BCCIP: variants seen among roughly 807,000 people sequenced by gnomAD.
The protein encoded by BCCIP is BRCA2 and CDKN1A-interacting protein.
BCCIP carries 23 observed loss-of-function variants against 32.8 expected under a neutral mutation model. That is an observed-to-expected ratio of 0.70 (90% CI 0.51 to 0.99). The LOEUF (loss-of-function observed/expected upper bound fraction) is 0.99. Ranked by LOEUF, BCCIP falls within the 50% of genes least tolerant of loss-of-function variation. The pLI is 0.00. For synonymous variants in BCCIP, 144 were observed against 137.6 expected, an observed-to-expected ratio of 1.05 and a Z score of -0.33; for missense variants, 378 against 379.8, an observed-to-expected ratio of 1.00 and a Z score of 0.04.
At chr10:125,837,351 T>C (rs1191670445), downstream of BCCIP, among the ~76,000 whole-genome samples, 2 of 152,260 alleles carry the variant, frequency 1.3e-5, no homozygotes, top group African/African-American at 2.4e-5. Flanking sequence ...GACTCTGTAC[T>C]GGCCTCTCAA....
chr10:125,823,783 G>A, intron 1 of BCCIP, 61 bp downstream of exon 1: 2 of 1,591,614 alleles, frequency 1.3e-6, no homozygotes, highest in Admixed American at 3.5e-5. Flanking sequence ...GGCAAGCCCA[G>A]GCTGTGTAAA....
intron 3 of BCCIP, among the ~76,000 whole-genome samples, chr10:125,828,967 G>T (rs1020944218): frequency 6.6e-6 from 1 of 152,180 alleles, no homozygotes; most frequent in Non-Finnish European, 1.5e-5. Flanking sequence ...GTCACACATT[G>T]GTTTGCTTCC....
intron 7 of BCCIP, among the ~76,000 whole-genome samples, chr10:125,850,581 C>G (rs958902784): frequency 3.9e-5 from 6 of 152,016 alleles, no homozygotes; most frequent in African/African-American, 1.4e-4. Flanking sequence ...TCTTGAACTC[C>G]TGACCTGAGG....
In BCCIP at chr10:125,823,626, G is replaced by A; in HGVS notation, c.69G>A (p.Gln23=). ...GVPQPPDPPV[Q]RDEEEEKEVE... ...CGCAGCCGCCGGATCCCCCAGTCCA[G>A]CGCGACGAGGAAGAGGAAAAAGAAG... Residue 23 remains glutamine (Q), a synonymous_variant, in exon 1 of 7, where the codon CAG becomes CAA. Transcript: ENST00000278100. 6.2e-7 allele frequency: 1 copy of A among 1,614,168 alleles called. No homozygotes were observed. Among genetic ancestry groups the A allele is most frequent in the Non-Finnish European group, 8.5e-7 (1 of 1,180,010 alleles).
At chr10:125,835,424 A>G (rs1589698571) in intron 6 of BCCIP, among the ~76,000 whole-genome samples, 1 of 152,056 alleles carries the variant, frequency 6.6e-6, no homozygotes, top group East Asian at 1.9e-4. Context: ...CTAAAAATAC[A>G]AAAAATTAGC....
chr10:125,853,291 C>T, exon 8 of BCCIP: 1 of 1,096,038 alleles, frequency 9.1e-7, no homozygotes, highest in Non-Finnish European at 1.3e-6. Context: ...AGGGATAAAA[C>T]ATCTCGGCAC....
chr10:125,826,794 G>A (rs905785211), intron 2 of BCCIP, 129 bp downstream of exon 2: 19 of 1,430,252 alleles, frequency 1.3e-5, no homozygotes, highest in East Asian at 1.3e-4. Context: ...GAGCCCAGGA[G>A]TTTGAGACCA....
chr10:125,840,836 C>T (rs1854856352), downstream of BCCIP: 3 of 1,561,658 alleles, frequency 1.9e-6, no homozygotes, highest in East Asian at 2.3e-5. Flanking sequence ...AGTTTCTGAG[C>T]ATTCACTTAC....
Position 125,827,557 on chromosome 10 carries a change from G to C in BCCIP, c.241-1G>C, listed in dbSNP as rs1854427408. 4.4e-6 allele frequency: 7 copies of C among 1,600,542 alleles called. No individual in the cohort carries two copies. Among genetic ancestry groups the C allele is most frequent in the Non-Finnish European group, 6.0e-6 (7 of 1,171,052 alleles). Reference sequence around the variant, plus strand: ...TTAAAATAATTTTTTCCTCCTTTTAGCTTTTTCTAAAGGCTCCTGTGAACA... The same window carrying C: ...TTAAAATAATTTTTTCCTCCTTTTACCTTTTTCTAAAGGCTCCTGTGAACA... On this transcript the variant is annotated splice_acceptor_variant, in intron 2 of 6. Coordinates refer to ENST00000278100, the MANE Select transcript of BCCIP (RefSeq NM_078468.3). LOFTEE classifies it high-confidence loss of function.
At chr10:125,852,516 A>T (rs1333320643) in intron 7 of BCCIP, 1 of 1,613,198 alleles carries the variant, frequency 6.2e-7, no homozygotes, top group Admixed American at 1.7e-5. Context: ...AATTGACAAC[A>T]TTTAGTATTT....
intron 7 of BCCIP, chr10:125,853,093 G>T (rs372226641): frequency 8.4e-5 from 124 of 1,475,392 alleles, no homozygotes; most frequent in Non-Finnish European, 1.1e-4. Context: ...TACAGAAACT[G>T]CGTATGGCAC....
intron 6 of BCCIP, among the ~76,000 whole-genome samples, chr10:125,835,017 CA>C (rs1283027777): frequency 1.3e-5 from 2 of 151,594 alleles, no homozygotes; most frequent in South Asian, 2.1e-4. Flanking sequence ...CCTGTAGTCC[CA>C]GCTACTCGGG....
chr10:125,851,343 GT>G (rs1944086869), intron 7 of BCCIP, among the ~76,000 whole-genome samples: 1 of 152,186 alleles, frequency 6.6e-6, no homozygotes, highest in African/African-American at 2.4e-5. Flanking sequence ...TTGTCCCCCA[GT>G]TATCAGCTTT....
chr10:125,846,451 G>T (rs924152975), downstream of BCCIP, among the ~76,000 whole-genome samples: 1 of 152,184 alleles, frequency 6.6e-6, no homozygotes. Flanking sequence ...TTCCTCATAA[G>T]GGTGAGGCTC....
intron 7 of BCCIP, among the ~76,000 whole-genome samples, chr10:125,850,191 G>A (rs1241548285): frequency 2.0e-5 from 3 of 151,068 alleles, no homozygotes; most frequent in African/African-American, 7.3e-5. Context: ...TGCCCAGGCT[G>A]GTCTTGAATT....
At chr10:125,848,011 G>T (rs1342594068) in intron 7 of BCCIP, among the ~76,000 whole-genome samples, 1 of 152,230 alleles carries the variant, frequency 6.6e-6, no homozygotes, top group African/African-American at 2.4e-5. Context: ...AGGGGTTGGG[G>T]ACCCCTGCAT....
exon 7 of BCCIP, chr10:125,842,044 G>T (rs765368588): frequency 7.4e-5 from 98 of 1,330,278 alleles, no homozygotes; most frequent in Non-Finnish European, 8.4e-5. Context: ...GACAAAATAT[G>T]TGAAACAACG....
At position 125,830,543 on chromosome 10, in the gene BCCIP, A is replaced by AT; in HGVS notation, c.322-13dup. ...ATTATACTAAATATAACATTTAAAT[A>AT]TTTTTTCTTTTAAAATAGCAAACGG... On this transcript the variant is annotated intron_variant, in intron 3 of 6. Coordinates refer to ENST00000278100, the MANE Select transcript of BCCIP (RefSeq NM_078468.3). 2 of 1,495,668 alleles carry AT rather than the reference A, an allele frequency of 1.3e-6. No individual in the cohort carries two copies. Among genetic ancestry groups the AT allele is most frequent in the Non-Finnish European group, 1.8e-6 (2 of 1,086,376 alleles). The allele number at this position is 1,495,668 out of a possible 1,614,324, so 92.6% of individuals were successfully genotyped here.
chr10:125,826,484 G>C (rs1398343167), intron 1 of BCCIP, 107 bp from the exon 2 acceptor site: 1 of 1,507,670 alleles, frequency 6.6e-7, no homozygotes, highest in Admixed American at 2.2e-5. Flanking sequence ...ATAGTGTGAA[G>C]GTGCTTTGTA....
Sources: gnomAD v4.1 joint callset for allele counts (sites outside exome capture counted in the v4.1 genomes callset) on GRCh38, gnomAD v4.1.1 for gene constraint, MANE v1.5 for transcripts, NCBI Gene and HGNC (gene_info 2026-07-23, HGNC 2026-07-21) for gene names.